POU6F2: variants seen among roughly 807,000 people sequenced by gnomAD.
POU6F2 encodes POU domain, class 6, transcription factor 2.
Under a neutral mutation model 71.3 loss-of-function variants are expected in POU6F2, and 31 were observed. That is an observed-to-expected ratio of 0.43 (90% CI 0.33 to 0.59). POU6F2 has a LOEUF of 0.59. Among genes scored for constraint, POU6F2 ranks in the 20% least tolerant of loss-of-function variants. POU6F2 has a pLI of 0.04. For synonymous variants in POU6F2, 347 were observed against 355.7 expected, an observed-to-expected ratio of 0.98 and a Z score of 0.27; for missense variants, 783 against 856.8, an observed-to-expected ratio of 0.91 and a Z score of 1.07.
chr7:39,331,908 C>A (rs188643003), intron 4 of POU6F2, among the ~76,000 whole-genome samples: 226 of 152,282 alleles, frequency 1.5e-3, no homozygotes, highest in African/African-American at 2.0e-3. Context: ...TCTCATAAAA[C>A]CATGCATTTG....
intron 8 of POU6F2, among the ~76,000 whole-genome samples, chr7:39,456,669 A>G (rs1295418397): frequency 1.3e-5 from 2 of 152,218 alleles, no homozygotes; most frequent in African/African-American, 2.4e-5. Context: ...AACGGTAACA[A>G]TAATATTTTG....
intron 5 of POU6F2, among the ~76,000 whole-genome samples, chr7:39,340,720 C>A: frequency 1.4e-5 from 1 of 70,200 alleles, no homozygotes; most frequent in Admixed American, 1.5e-4. Context: ...CATCTATAAC[C>A]TACCTATTGA....
intron 4 of POU6F2, among the ~76,000 whole-genome samples, chr7:39,320,847 G>A (rs1363899564): frequency 6.6e-6 from 1 of 152,132 alleles, no homozygotes; most frequent in African/African-American, 2.4e-5. Context: ...TTGAGGCCAG[G>A]AGTTGGAGAC....
Position 39,190,015 on chromosome 7 carries a change from T to A in POU6F2, c.278-14220T>A, listed in dbSNP as rs1394678228. Among the ~76,000 whole-genome samples, 16 of 152,088 alleles carry A rather than the reference T, an allele frequency of 1.1e-4. No individual in the cohort carries two copies. In the East Asian group the frequency reaches 3.1e-3, roughly 30 times the overall value. On this transcript the variant is annotated intron_variant, in intron 2 of 9. Transcript: ENST00000518318. The stretch of plus-strand genomic sequence containing the variant: ...CTCAGGTGATTCTCCCACCCCAGCC[T>A]CCCGAGTAGCTGGGACTACAGGCAT...
chr7:39,129,668 G>GATAA, intron 2 of POU6F2, among the ~76,000 whole-genome samples: 2 of 152,102 alleles, frequency 1.3e-5, no homozygotes, highest in South Asian at 4.2e-4. Context: ...TAGATAGATA[G>GATAA]ACTGATGGCT....
intron 1 of POU6F2, among the ~76,000 whole-genome samples, chr7:39,028,594 T>C (rs1789869332): frequency 6.6e-6 from 1 of 152,118 alleles, no homozygotes. Context: ...ATATATTAGA[T>C]GTACCTTTAT....
chr7:39,062,636 G>A (rs1790680606), intron 1 of POU6F2, among the ~76,000 whole-genome samples: 2 of 147,840 alleles, frequency 1.4e-5, no homozygotes, highest in Admixed American at 1.4e-4. Context: ...GAGGGGAGGA[G>A]AAGATCCAGT....
rs1047765756 is a variant in POU6F2, at chr7:39,468,242, G to C, written c.*3556G>C. 13 of 151,378 alleles carry C rather than the reference G, an allele frequency of 8.6e-5. No homozygotes were observed. Among genetic ancestry groups the C allele is most frequent in the African/African-American group, 3.2e-4 (13 of 41,192 alleles). 9.4% of individuals were successfully genotyped at this position (151,378 alleles called of 1,614,324 possible). A position where few individuals can be genotyped will look rare whatever the true frequency, so the allele number is the denominator to read the frequency against. On this transcript the variant is annotated 3_prime_UTR_variant, in exon 10 of 10. Transcript: ENST00000518318. ...GCTGTGATCTAGACTGGTCACCGGG[G>C]TCACTTATGAGGCACCACAAAGAGA...
At chr7:39,160,854 T>C (rs1792979989) in intron 2 of POU6F2, among the ~76,000 whole-genome samples, 1 of 152,200 alleles carries the variant, frequency 6.6e-6, no homozygotes, top group African/African-American at 2.4e-5. Flanking sequence ...TTTTTGTCAG[T>C]GACTTGCTAA....
In POU6F2 at chr7:39,011,705, G is replaced by T. The variant is rs1382496660; in HGVS notation, c.105+33647G>T. On this transcript the variant is annotated intron_variant, in intron 1 of 9. Coordinates refer to ENST00000518318, the MANE Select transcript of POU6F2 (RefSeq NM_001370959.1). ...TTTAGTGCTTCCTTCAGGAGCTCTT[G>T]TAGGGCAGGCCTGGTGGTGACAAAA... Among the ~76,000 whole-genome samples the T allele has an allele frequency of 3.3e-4, 50 of 150,660 alleles. 1 individual carries two copies. Among genetic ancestry groups the T allele is most frequent in the Non-Finnish European group, 6.1e-4 (41 of 67,484 alleles).
At chr7:39,377,730 G>A (rs1168090357) in intron 5 of POU6F2, among the ~76,000 whole-genome samples, 1 of 151,490 alleles carries the variant, frequency 6.6e-6, no homozygotes, top group African/African-American at 2.4e-5. Flanking sequence ...AAACATGTAG[G>A]TTTAACCCCA....
chr7:39,016,333 A>G (rs1229431429), intron 1 of POU6F2, among the ~76,000 whole-genome samples: 1 of 151,006 alleles, frequency 6.6e-6, no homozygotes, highest in Non-Finnish European at 1.5e-5. Context: ...GTAATTTGGG[A>G]TATGATATAG....
At chr7:39,332,251 T>G (rs921899810) in intron 4 of POU6F2, among the ~76,000 whole-genome samples, 6 of 152,190 alleles carry the variant, frequency 3.9e-5, no homozygotes, top group African/African-American at 1.4e-4. Flanking sequence ...GGAATCCCCC[T>G]TTTTTCTGCA....
rs372674952 is a variant in POU6F2 at position 39,465,392 on chromosome 7, G to GC, written c.*707dup. The GC allele has an allele frequency of 1.8e-4, 27 of 152,252 alleles. No homozygotes were observed. The highest frequency in any genetic ancestry group is 6.0e-4 in the African/African-American group (25 of 41,540). The allele number at this position is 152,252 out of a possible 1,614,324, so 9.4% of individuals were successfully genotyped here. On this transcript the variant is annotated 3_prime_UTR_variant, in exon 10 of 10. Transcript: ENST00000518318. Reference sequence around the variant, plus strand: ...ACCATTGTTGAAGCCATTCTGTGAGGCTCACTATTGGGTTTTTTTGTGGGG... The same window carrying GC: ...ACCATTGTTGAAGCCATTCTGTGAGGCCTCACTATTGGGTTTTTTTGTGGGG...
In POU6F2 at chr7:39,267,250, T is replaced by C. The variant is rs147713132; in HGVS notation, c.598+59630T>C. Among the ~76,000 whole-genome samples, 188 of 152,266 alleles carry C rather than the reference T, an allele frequency of 1.2e-3. 3 individuals carry two copies. In the East Asian group the frequency reaches 0.032, roughly 26 times the overall value. On this transcript the variant is annotated intron_variant, in intron 4 of 9. Coordinates refer to ENST00000518318, the MANE Select transcript of POU6F2 (RefSeq NM_001370959.1). ...CACACAGACGCCCATAAAATTACAG[T>C]GTAGGAAAAGCAAATGGGATTGGGC...
intron 4 of POU6F2, among the ~76,000 whole-genome samples, chr7:39,273,599 A>G (rs1456071390): frequency 2.0e-5 from 3 of 152,150 alleles, no homozygotes; most frequent in Non-Finnish European, 4.4e-5. Flanking sequence ...ATAACATGGT[A>G]CCCTGCATTG....
At chr7:39,074,786 T>C (rs759537137) in intron 1 of POU6F2, among the ~76,000 whole-genome samples, 132 of 152,264 alleles carry the variant, frequency 8.7e-4, no homozygotes, top group Non-Finnish European at 1.5e-3. Context: ...ACACAAACAG[T>C]CACACTTTGT....
At chr7:39,220,419 C>T (rs1209084693) in intron 4 of POU6F2, among the ~76,000 whole-genome samples, 1 of 152,156 alleles carries the variant, frequency 6.6e-6, no homozygotes, top group South Asian at 2.1e-4. Flanking sequence ...AAAGCATTTT[C>T]CAGCCCCTTG....
chr7:39,096,534 C>G (rs1248269913), intron 2 of POU6F2, among the ~76,000 whole-genome samples: 2 of 152,162 alleles, frequency 1.3e-5, no homozygotes, highest in Non-Finnish European at 2.9e-5. Flanking sequence ...GCAGAAGAAG[C>G]GAGGGCTCTT....
Sources: allele counts gnomAD v4.1 joint callset (sites outside exome capture counted in the v4.1 genomes callset), GRCh38; gene constraint gnomAD v4.1.1; transcripts MANE v1.5; gene names NCBI Gene and HGNC (gene_info 2026-07-23, HGNC 2026-07-21).